The following DPYS variants were observed in gnomAD, a reference collection of about 807,000 sequenced individuals.
DPYS encodes dihydropyrimidine amidohydrolase.
DPYS carries 39 observed loss-of-function variants against 50.3 expected under a neutral mutation model. That is an observed-to-expected ratio of 0.78 (90% CI 0.60 to 1.01). DPYS has a LOEUF of 1.01. DPYS is among the 50% of genes least tolerant of loss of function. The pLI is 0.00. For missense variants in DPYS, 659 were observed against 680.9 expected (o/e 0.97, Z 0.36); for synonymous variants, 245 against 250.7 (o/e 0.98, Z 0.22).
intron 4 of DPYS, among the ~76,000 whole-genome samples, chr8:104,434,617 AAAC>A (rs1158809230): frequency 6.6e-6 from 1 of 152,238 alleles, no homozygotes; most frequent in African/African-American, 2.4e-5. Context: ...CAAATCAAAT[AAAC>A]AACAATCAAA....
rs553987375 is a variant in DPYS, at chr8:104,466,781, G to A, written c.140C>T (p.Ala47Val). 4 of 1,534,188 alleles carry A rather than the reference G, an allele frequency of 2.6e-6. No individual in the cohort carries two copies. Among genetic ancestry groups the A allele is most frequent in the Non-Finnish European group, 1.7e-6 (2 of 1,145,790 alleles). Residue 47 changes from alanine to valine, a missense_variant, in exon 1 of 10, where the codon GCG (alanine) becomes GTG (valine). Ala to Val is a moderately conservative substitution (Grantham distance 64). Transcript: ENST00000351513. ...GGCGGCGTCGAGGACCCGCAGCCCCGCAGGAGCGCCCCCGGGAGGCAGCAG... is the reference window on the plus strand; with the variant it reads ...GGCGGCGTCGAGGACCCGCAGCCCCACAGGAGCGCCCCCGGGAGGCAGCAG... Reference protein sequence around the residue: ...HDLLPPGGAPAGLRVLDAAGK... With the variant: ...HDLLPPGGAPVGLRVLDAAGK...
intron 1 of DPYS, among the ~76,000 whole-genome samples, chr8:104,454,294 G>A (rs1430971067): frequency 6.6e-6 from 1 of 152,210 alleles, no homozygotes; most frequent in East Asian, 1.9e-4. Context: ...GCTGAGGCAG[G>A]AGAATTGCTT....
chr8:104,389,614 C>G (rs1459894810), intron 8 of DPYS, among the ~76,000 whole-genome samples: 2 of 151,718 alleles, frequency 1.3e-5, no homozygotes, highest in African/African-American at 4.8e-5. Flanking sequence ...AATCCTGGCT[C>G]TTAGGTTTAC....
intron 1 of DPYS, among the ~76,000 whole-genome samples, chr8:104,453,378 T>C (rs1161429316): frequency 1.3e-5 from 2 of 152,218 alleles, no homozygotes; most frequent in African/African-American, 2.4e-5. Flanking sequence ...TCTTACCTTC[T>C]TCCTTCTAAA....
intron 6 of DPYS, among the ~76,000 whole-genome samples, chr8:104,427,324 G>A (rs911137476): frequency 1.3e-4 from 19 of 150,322 alleles, no homozygotes; most frequent in African/African-American, 4.4e-4. Flanking sequence ...GTTGCCCCAG[G>A]CTAGAGTGCA....
chr8:104,394,278 T>C (rs562005847), intron 7 of DPYS, among the ~76,000 whole-genome samples: 13 of 152,300 alleles, frequency 8.5e-5, no homozygotes, highest in African/African-American at 2.9e-4. Context: ...GTCCTAGTAA[T>C]GAACAAGATA....
chr8:104,451,487 A>C, intron 1 of DPYS, 83 bp from the exon 2 acceptor site: 1 of 1,583,640 alleles, frequency 6.3e-7, no homozygotes, highest in South Asian at 1.1e-5. Flanking sequence ...GTGCATTTGT[A>C]AGCACTTGGG....
chr8:104,431,308 T>A (rs1411709349), intron 4 of DPYS, among the ~76,000 whole-genome samples: 1 of 152,040 alleles, frequency 6.6e-6, no homozygotes, highest in African/African-American at 2.4e-5. Context: ...CTGCCAGGAC[T>A]GTTTTGAAAC....
rs942446761 is a variant in DPYS, at chr8:104,414,321, C to G, written c.1235+9926G>C. Among the ~76,000 whole-genome samples the G allele has an allele frequency of 2.6e-5, 4 of 152,240 alleles. No individual in the cohort carries two copies. In the East Asian group the frequency reaches 7.7e-4, roughly 29 times the overall value. Reference sequence around the variant, plus strand: ...TGACTCTAAACCAGTGTTTCTCAAACTTGAGTGTGTATCAGAAGCCGCTGG... The same window carrying G: ...TGACTCTAAACCAGTGTTTCTCAAAGTTGAGTGTGTATCAGAAGCCGCTGG... On this transcript the variant is annotated intron_variant, in intron 7 of 9. Transcript: ENST00000351513.
At chr8:104,452,249 A>C (rs1053607321) in intron 1 of DPYS, among the ~76,000 whole-genome samples, 4 of 152,222 alleles carry the variant, frequency 2.6e-5, no homozygotes, top group Non-Finnish European at 5.9e-5. Context: ...CCTTTGACTA[A>C]TTATTTAAAT....
Position 104,462,041 on chromosome 8 carries a change from C to CT in DPYS, c.264+4615dup, listed in dbSNP as rs545957812. ...TTTCTTTATACTCATCTGTATTTTT[C>CT]TTTTTTGAAAAAGCAGTTGATTCAT... On this transcript the variant is annotated intron_variant, in intron 1 of 9. Coordinates refer to ENST00000351513, the MANE Select transcript of DPYS (RefSeq NM_001385.3). Among the ~76,000 whole-genome samples, 7 of 152,166 alleles carry CT rather than the reference C, an allele frequency of 4.6e-5. No homozygotes were observed. The South Asian group carries it at 1.5e-3, about 32-fold the overall frequency.
rs138535950 is a variant in DPYS at position 104,407,154 on chromosome 8, T to C, written c.1236-14163A>G. Among the ~76,000 whole-genome samples, 310 of 152,362 alleles carry C rather than the reference T, an allele frequency of 2.0e-3. 1 individual carries two copies. The highest frequency in any genetic ancestry group is 5.6e-3 in the African/African-American group (231 of 41,576). Reference sequence around the variant, plus strand: ...TTTTATTCAATCCTCATTATTTTATTTAACCCTATGGAAGCAGAGTTTTTT... The same window carrying C: ...TTTTATTCAATCCTCATTATTTTATCTAACCCTATGGAAGCAGAGTTTTTT... On this transcript the variant is annotated intron_variant, in intron 7 of 9. Coordinates refer to ENST00000351513, the MANE Select transcript of DPYS (RefSeq NM_001385.3).
At chr8:104,423,942 G>A (rs965115883) in intron 7 of DPYS, 5 of 970,506 alleles carry the variant, frequency 5.2e-6, no homozygotes, top group Middle Eastern at 5.3e-4. Flanking sequence ...CCTTCATCAC[G>A]CTTTACCTTT....
intron 7 of DPYS, among the ~76,000 whole-genome samples, chr8:104,408,491 A>C (rs1481012369): frequency 6.6e-6 from 1 of 152,224 alleles, no homozygotes; most frequent in Non-Finnish European, 1.5e-5. Flanking sequence ...GAAAGGTAAC[A>C]ATTTTTACCT....
intron 4 of DPYS, among the ~76,000 whole-genome samples, chr8:104,436,157 G>A (rs1419973903): frequency 2.6e-5 from 4 of 152,164 alleles, no homozygotes; most frequent in Non-Finnish European, 4.4e-5. Flanking sequence ...AGCAAGTTCA[G>A]GAAACAGACA....
rs34804847 is a variant in DPYS, at chr8:104,401,288, GTATTATTAT to G, written c.1236-8306_1236-8298del. Among the ~76,000 whole-genome samples, 299 of 143,030 alleles carry G rather than the reference GTATTATTAT, an allele frequency of 2.1e-3. 1 individual carries two copies. The highest frequency in any genetic ancestry group is 4.4e-3 in the African/African-American group (171 of 38,440). The allele number at this position is 143,030 out of a possible 152,430, so 93.8% of individuals were successfully genotyped here. The stretch of plus-strand genomic sequence containing the variant: ...ATCATGACATCTTCCTATGAGGTAG[GTATTATTAT>G]TATTATTATTATTATTATTATTATT... On this transcript the variant is annotated intron_variant, in intron 7 of 9. Transcript: ENST00000351513.
At chr8:104,449,027 T>A (rs1482721917) in intron 2 of DPYS, among the ~76,000 whole-genome samples, 1 of 152,176 alleles carries the variant, frequency 6.6e-6, no homozygotes. Flanking sequence ...GCCCACTCAA[T>A]AACTATTTAT....
intron 4 of DPYS, among the ~76,000 whole-genome samples, chr8:104,437,388 G>A (rs902051111): frequency 7.2e-5 from 11 of 152,100 alleles, no homozygotes; most frequent in Non-Finnish European, 1.5e-4. Context: ...AAACCAAAAT[G>A]ACAACTAGAG....
At position 104,416,648 on chromosome 8, in the gene DPYS, T is replaced by C. The variant is rs1195266456; in HGVS notation, c.1235+7599A>G. Among the ~76,000 whole-genome samples, 3 of 143,326 alleles carry C rather than the reference T, an allele frequency of 2.1e-5. 1 individual carries two copies. The highest frequency in any genetic ancestry group is 1.5e-5 in the Non-Finnish European group (1 of 65,962). The allele number at this position is 143,326 out of a possible 152,430, so 94.0% of individuals were successfully genotyped here. On this transcript the variant is annotated intron_variant, in intron 7 of 9. Coordinates refer to ENST00000351513, the MANE Select transcript of DPYS (RefSeq NM_001385.3). ...GCAGGAACACAGGCTGCTGTGCTGA[T>C]GTGCATGTGAGTGTGTGTGTGTGTG...
Sources: allele counts gnomAD v4.1 joint callset (sites outside exome capture counted in the v4.1 genomes callset), GRCh38; gene constraint gnomAD v4.1.1; transcripts MANE v1.5; gene names NCBI Gene and HGNC (gene_info 2026-07-23, HGNC 2026-07-21).